The following NFYC variants were observed in gnomAD, a reference collection of about 807,000 sequenced individuals.
The protein encoded by NFYC is nuclear transcription factor Y subunit gamma.
NFYC carries 25 observed loss-of-function variants against 53.1 expected under a neutral mutation model. That is an observed-to-expected ratio of 0.47 (90% CI 0.34 to 0.66). The LOEUF (loss-of-function observed/expected upper bound fraction) is 0.66. NFYC is among the 30% of genes least tolerant of loss of function. The pLI is 0.01. For missense variants in NFYC, 260 were observed against 422.7 expected (o/e 0.62, Z 3.38); for synonymous variants, 145 against 152.6 (o/e 0.95, Z 0.37).
chr1:40,713,330 T>C (rs887249916), intron 1 of NFYC, among the ~76,000 whole-genome samples: 4 of 152,374 alleles, frequency 2.6e-5, no homozygotes, highest in Admixed American at 1.3e-4. Flanking sequence ...TCAGACAGAA[T>C]GAGGTTTGGC....
intron 1 of NFYC, among the ~76,000 whole-genome samples, chr1:40,709,845 A>G (rs1161802635): frequency 6.6e-6 from 1 of 152,206 alleles, no homozygotes; most frequent in Non-Finnish European, 1.5e-5. Context: ...ATCATTTTTC[A>G]GGGGCACACA....
At position 40,696,302 on chromosome 1, in the gene NFYC, T is replaced by A. The variant is rs552064873; in HGVS notation, c.-9+4435T>A. On this transcript the variant is annotated intron_variant, in intron 1 of 9. Coordinates refer to ENST00000447388, the MANE Select transcript of NFYC (RefSeq NM_014223.5). ...CCTCCTGAAGTGGTGGGATTACAGG[T>A]GTTAGCCACAGTGCTCAGCCACAGA... Among the ~76,000 whole-genome samples, 136 of 152,338 alleles carry A rather than the reference T, an allele frequency of 8.9e-4. 4 individuals are homozygous for A. The South Asian group carries it at 0.028, about 31-fold the overall frequency.
Position 40,736,128 on chromosome 1 carries a change from T to C in NFYC, c.-8-2708T>C, listed in dbSNP as rs75991985. ...CCAGGTACTAGAATTTCTGTTCAGC[T>C]GTTTATAGGCCTCCACCACAAGAAA... On this transcript the variant is annotated intron_variant, in intron 1 of 9. Coordinates refer to ENST00000447388, the MANE Select transcript of NFYC (RefSeq NM_014223.5). 9.0e-3 allele frequency among the ~76,000 whole-genome samples: 1,370 copies of C among 152,310 alleles called. 99 individuals carry two copies. In the East Asian group the frequency reaches 0.19, roughly 21 times the overall value.
intron 1 of NFYC, among the ~76,000 whole-genome samples, chr1:40,707,664 A>G (rs115013850): frequency 0.011 from 1,631 of 151,646 alleles, 27 homozygotes; most frequent in African/African-American, 0.037. Context: ...GAAAAAAAAA[A>G]AACAAGAAAA....
intron 1 of NFYC, among the ~76,000 whole-genome samples, chr1:40,718,907 C>T (rs1208978659): frequency 6.6e-6 from 1 of 152,136 alleles, no homozygotes; most frequent in South Asian, 2.1e-4. Context: ...GAGTCTTGCT[C>T]TGTCGCCAGG....
At chr1:40,732,273 C>G (rs1388865172) in intron 1 of NFYC, among the ~76,000 whole-genome samples, 1 of 152,124 alleles carries the variant, frequency 6.6e-6, no homozygotes, top group African/African-American at 2.4e-5. Context: ...TCTAAAGGTC[C>G]TGAGTTTCAG....
chr1:40,703,871 G>C (rs1455157972), intron 1 of NFYC, among the ~76,000 whole-genome samples: 1 of 152,158 alleles, frequency 6.6e-6, no homozygotes, highest in Non-Finnish European at 1.5e-5. Context: ...ACTCCTGTTA[G>C]TTGGTGTTAT....
rs191110994 is a variant in NFYC at position 40,769,183 on chromosome 1, A to G, written c.829-173A>G. 1,689 of 649,380 alleles carry G rather than the reference A, an allele frequency of 2.6e-3. 4 individuals carry two copies. Among genetic ancestry groups the G allele is most frequent in the Non-Finnish European group, 4.0e-3 (1,404 of 352,440 alleles). 40.2% of individuals were successfully genotyped at this position (649,380 alleles called of 1,614,324 possible). On this transcript the variant is annotated intron_variant, in intron 8 of 9. Coordinates refer to ENST00000447388, the MANE Select transcript of NFYC (RefSeq NM_014223.5). ...ACTTTGTGCTGCCAACTCTTGACGT[A>G]GCCATCAGTGCTAGATTAGGAGGGG...
At chr1:40,743,194 A>T (rs1645442054) in intron 2 of NFYC, among the ~76,000 whole-genome samples, 1 of 152,230 alleles carries the variant, frequency 6.6e-6, no homozygotes, top group Non-Finnish European at 1.5e-5. Context: ...TGCGTCCTGT[A>T]AAAGCAATTT....
At chr1:40,698,426 C>T (rs903516422) in intron 1 of NFYC, among the ~76,000 whole-genome samples, 6 of 151,662 alleles carry the variant, frequency 4.0e-5, no homozygotes, top group Non-Finnish European at 7.4e-5. Flanking sequence ...AAATGAATGC[C>T]ATTCATTCAT....
At chr1:40,747,173 TA>T (rs1480999516) in intron 2 of NFYC, among the ~76,000 whole-genome samples, 5 of 146,850 alleles carry the variant, frequency 3.4e-5, no homozygotes, top group Non-Finnish European at 7.4e-5. Flanking sequence ...TTAATCTGCA[TA>T]TTGCAGACTG....
rs1201539699 is a variant in NFYC, at chr1:40,753,111, TC to T, written c.292-36del. ...GTATAAAGCCAAGTGAACTAGTTTC[TC>T]CCCAGGCTAATTTTTCACACCGCTC... On this transcript the variant is annotated intron_variant, in intron 4 of 9. Coordinates refer to ENST00000447388, the MANE Select transcript of NFYC (RefSeq NM_014223.5). 6 of 1,485,318 alleles carry T rather than the reference TC, an allele frequency of 4.0e-6. No homozygotes were observed. The South Asian group carries it at 6.8e-5, about 17-fold the overall frequency. The allele number at this position is 1,485,318 out of a possible 1,614,324, so 92.0% of individuals were successfully genotyped here.
At chr1:40,734,640 C>T (rs1644934335) in intron 1 of NFYC, among the ~76,000 whole-genome samples, 2 of 152,130 alleles carry the variant, frequency 1.3e-5, no homozygotes, top group South Asian at 2.1e-4. Flanking sequence ...GGATTACAGA[C>T]GTGAACCACC....
intron 1 of NFYC, among the ~76,000 whole-genome samples, chr1:40,731,632 A>G (rs990032576): frequency 3.3e-5 from 5 of 151,684 alleles, no homozygotes. Context: ...CTACAGGTGT[A>G]CGCCACCACA....
intron 7 of NFYC, chr1:40,763,513 AT>A (rs1646669641): frequency 2.5e-6 from 1 of 403,914 alleles, no homozygotes; most frequent in Non-Finnish European, 4.9e-6. Context: ...TGCCCGGCTG[AT>A]TTTTGTATTT....
At chr1:40,741,776 T>A (rs931538598) in intron 2 of NFYC, among the ~76,000 whole-genome samples, 8 of 152,024 alleles carry the variant, frequency 5.3e-5, no homozygotes, top group African/African-American at 1.9e-4. Context: ...CTAATTTTTG[T>A]ATTTTTCTGT....
intron 1 of NFYC, chr1:40,730,510 G>C (rs745810535): frequency 7.7e-5 from 75 of 968,844 alleles, no homozygotes; most frequent in Non-Finnish European, 9.2e-5. Context: ...ACAATAAAGT[G>C]AAATGCAATA....
chr1:40,712,543 G>A (rs1434004366), intron 1 of NFYC: 2 of 101,224 alleles, frequency 2.0e-5, no homozygotes, highest in Non-Finnish European at 4.0e-5. Flanking sequence ...TATTTATAAA[G>A]TAAACTGGAA....
chr1:40,692,671 T>G (rs1476917128), intron 1 of NFYC, among the ~76,000 whole-genome samples: 2 of 152,090 alleles, frequency 1.3e-5, no homozygotes, highest in Admixed American at 6.5e-5. Flanking sequence ...ACTGAGGTTT[T>G]GGTGGAGCCC....
Sources: gnomAD v4.1 joint callset for allele counts (sites outside exome capture counted in the v4.1 genomes callset) on GRCh38, gnomAD v4.1.1 for gene constraint, MANE v1.5 for transcripts, NCBI Gene and HGNC (gene_info 2026-07-23, HGNC 2026-07-21) for gene names.